FAM184B: variants seen among roughly 807,000 people sequenced by gnomAD.
The protein encoded by FAM184B is family with sequence similarity 184 member B.
In FAM184B, 111 loss-of-function variants were observed where a neutral mutation model predicts 135.9. That is an observed-to-expected ratio of 0.82 (90% CI 0.70 to 0.96). The LOEUF (loss-of-function observed/expected upper bound fraction) is 0.96, where lower values mean the gene tolerates loss of function less well. FAM184B is among the 40% of genes least tolerant of loss of function. FAM184B has a pLI of 0.00. For synonymous variants in FAM184B, 552 were observed against 524.8 expected (o/e 1.05, Z -0.71); for missense variants, 1,375 against 1,323.9 (o/e 1.04, Z -0.60).
intron 11 of FAM184B, 97 bp downstream of exon 11, chr4:17,652,733 G>C: frequency 2.9e-6 from 4 of 1,402,962 alleles, no homozygotes; most frequent in Non-Finnish European, 3.8e-6. Flanking sequence ...CTGTGAGCCC[G>C]AGAACCCTGG....
chr4:17,721,404 A>T (rs1299817165), intron 1 of FAM184B, among the ~76,000 whole-genome samples: 1 of 149,974 alleles, frequency 6.7e-6, no homozygotes, highest in Non-Finnish European at 1.5e-5. Context: ...AAAAAAAAAA[A>T]AATCTCTTTG....
chr4:17,715,351 T>G (rs907290390), intron 1 of FAM184B, among the ~76,000 whole-genome samples: 1 of 152,088 alleles, frequency 6.6e-6, no homozygotes, highest in African/African-American at 2.4e-5. Context: ...GGTGTGCACC[T>G]GTAATCCCAG....
At chr4:17,714,060 G>C (rs559552435) in intron 1 of FAM184B, among the ~76,000 whole-genome samples, 45 of 152,256 alleles carry the variant, frequency 3.0e-4, no homozygotes, top group Middle Eastern at 3.4e-3. Flanking sequence ...ATGTCAAGCT[G>C]CACATGGACA....
intron 1 of FAM184B, among the ~76,000 whole-genome samples, chr4:17,768,579 AC>A (rs1436914751): frequency 2.6e-5 from 4 of 151,922 alleles, no homozygotes; most frequent in Non-Finnish European, 5.9e-5. Flanking sequence ...CAGCCTTCTG[AC>A]CCCTTTATAA....
chr4:17,778,960 T>C (rs1183561449), intron 1 of FAM184B, among the ~76,000 whole-genome samples: 1 of 152,138 alleles, frequency 6.6e-6, no homozygotes, highest in Non-Finnish European at 1.5e-5. Context: ...AGTTCTTTCA[T>C]GGGAAGAAAC....
At chr4:17,753,853 C>T (rs145178347) in intron 1 of FAM184B, among the ~76,000 whole-genome samples, 77 of 152,164 alleles carry the variant, frequency 5.1e-4, no homozygotes, top group Non-Finnish European at 8.8e-4. Context: ...AAAGGGTATG[C>T]GAGCTTTGGA....
chr4:17,746,009 A>G (rs1560191669), intron 1 of FAM184B, among the ~76,000 whole-genome samples: 1 of 152,086 alleles, frequency 6.6e-6, no homozygotes, highest in Non-Finnish European at 1.5e-5. Flanking sequence ...CCCAGACTGG[A>G]GTGCACTGGT....
intron 1 of FAM184B, among the ~76,000 whole-genome samples, chr4:17,777,123 G>A (rs1484012020): frequency 6.6e-6 from 1 of 152,136 alleles, no homozygotes; most frequent in Non-Finnish European, 1.5e-5. Context: ...CCATCAGCTG[G>A]TGAATGGATA....
intron 10 of FAM184B, among the ~76,000 whole-genome samples, chr4:17,654,577 T>C (rs1425708111): frequency 1.3e-5 from 2 of 152,228 alleles, no homozygotes; most frequent in African/African-American, 2.4e-5. Context: ...AGAGGCAGGA[T>C]TGTGACCCAT....
At chr4:17,716,399 G>A (rs1286362199) in intron 1 of FAM184B, among the ~76,000 whole-genome samples, 1 of 152,112 alleles carries the variant, frequency 6.6e-6, no homozygotes, top group Admixed American at 6.5e-5. Flanking sequence ...CTGGAGTGCA[G>A]TGGTGTTATT....
chr4:17,746,404 T>C (rs768415626), intron 1 of FAM184B, among the ~76,000 whole-genome samples: 8 of 152,106 alleles, frequency 5.3e-5, no homozygotes, highest in Non-Finnish European at 1.2e-4. Context: ...TACTTCAGCA[T>C]ACAGAAGAGT....
intron 1 of FAM184B, among the ~76,000 whole-genome samples, chr4:17,718,766 C>T (rs1445307336): frequency 2.6e-5 from 4 of 152,202 alleles, no homozygotes; most frequent in African/African-American, 9.6e-5. Context: ...TGGACCCCAC[C>T]CCAGAGTGTG....
At chr4:17,707,614 G>C (rs1311745137) in intron 3 of FAM184B, 35 bp downstream of exon 3, 2 of 1,549,748 alleles carry the variant, frequency 1.3e-6, no homozygotes, top group Middle Eastern at 1.9e-4. Flanking sequence ...AGCTAACCTT[G>C]GGTCTTTTAA....
At chr4:17,760,470 A>C (rs80347505) in intron 1 of FAM184B, among the ~76,000 whole-genome samples, 1 of 121,416 alleles carries the variant, frequency 8.2e-6, no homozygotes, top group Non-Finnish European at 1.6e-5. Context: ...ACTCCATCTC[A>C]AAAAAAAAAA....
chr4:17,733,108 C>A (rs1279932677), intron 1 of FAM184B, among the ~76,000 whole-genome samples: 1 of 151,998 alleles, frequency 6.6e-6, no homozygotes. Flanking sequence ...TCAATAGATG[C>A]AGAAAAGGCC....
intron 11 of FAM184B, among the ~76,000 whole-genome samples, chr4:17,648,843 T>C (rs1184526405): frequency 6.6e-6 from 1 of 152,154 alleles, no homozygotes. Context: ...AGCTTCCAAC[T>C]CCAGCTTCCC....
intron 1 of FAM184B, among the ~76,000 whole-genome samples, chr4:17,776,396 A>ATT (rs759231139): frequency 2.0e-4 from 31 of 151,786 alleles, no homozygotes; most frequent in Non-Finnish European, 5.9e-5. Context: ...TTAATTAACA[A>ATT]TTTTTTTTTG....
chr4:17,652,720 G>A (rs1715654360), intron 11 of FAM184B, 110 bp downstream of exon 11: 3 of 1,288,850 alleles, frequency 2.3e-6, no homozygotes, highest in Non-Finnish European at 3.2e-6. Flanking sequence ...CCGGAGCCGT[G>A]GCCTGTGAGC....
chr4:17,653,692 T>C (rs909635043), intron 10 of FAM184B, among the ~76,000 whole-genome samples: 7 of 151,926 alleles, frequency 4.6e-5, no homozygotes, highest in Non-Finnish European at 7.4e-5. Flanking sequence ...CTAACTTCAC[T>C]CAAGCTGGTT....
Sources: allele counts gnomAD v4.1 joint callset (sites outside exome capture counted in the v4.1 genomes callset), GRCh38; gene constraint gnomAD v4.1.1; transcripts MANE v1.5; gene names NCBI Gene and HGNC (gene_info 2026-07-23, HGNC 2026-07-21).